PDE6C: variants seen among roughly 807,000 people sequenced by gnomAD.
PDE6C encodes phosphodiesterase 6C, also known as cone cGMP-specific 3',5'-cyclic phosphodiesterase subunit alpha'.
Under a neutral mutation model 113.1 loss-of-function variants are expected in PDE6C, and 75 were observed. The ratio of observed to expected loss-of-function variants is 0.66; its 90% confidence interval spans 0.55 to 0.80. The LOEUF is 0.80. Ranked by LOEUF, PDE6C falls within the 30% of genes least tolerant of loss-of-function variation. The pLI is 0.00. For synonymous variants in PDE6C, 375 were observed against 363.7 expected (o/e 1.03, Z -0.35); for missense variants, 912 against 1,038.6 (o/e 0.88, Z 1.67).
At chr10:93,623,984 G>T (rs542121042) in intron 4 of PDE6C, among the ~76,000 whole-genome samples, 1 of 151,918 alleles carries the variant, frequency 6.6e-6, no homozygotes, top group African/African-American at 2.4e-5. Flanking sequence ...TCAATTGTGA[G>T]AATTAGAGAT....
chr10:93,629,017 G>A (rs1030673871), intron 7 of PDE6C, among the ~76,000 whole-genome samples: 1 of 152,182 alleles, frequency 6.6e-6, no homozygotes, highest in African/African-American at 2.4e-5. Context: ...CTGGAGTCTG[G>A]GGGAGTGGGA....
At chr10:93,650,598 G>T (rs1449649259) in intron 15 of PDE6C, among the ~76,000 whole-genome samples, 1 of 152,080 alleles carries the variant, frequency 6.6e-6, no homozygotes, top group Non-Finnish European at 1.5e-5. Context: ...TAAATAAAAG[G>T]TATTGCATTT....
At chr10:93,626,941 C>A in intron 7 of PDE6C, 70 bp downstream of exon 7, 1 of 1,365,026 alleles carries the variant, frequency 7.3e-7, no homozygotes, top group Non-Finnish European at 1.0e-6. Flanking sequence ...GAGATAGATA[C>A]AATTGTGAAA....
In PDE6C at chr10:93,612,926, G is replaced by A; in HGVS notation, c.201G>A (p.Trp67Ter). The A allele has an allele frequency of 6.2e-7, 1 of 1,614,038 alleles. No homozygotes were observed. The highest frequency in any genetic ancestry group is 2.2e-5 in the East Asian group (1 of 44,878). Reference sequence around the variant, plus strand: ...CAGCCCTGTGCTTGGAGCTGCTGTGGACCGTGCAGGAGGAGGGGGGCACCC... The same window carrying A: ...CAGCCCTGTGCTTGGAGCTGCTGTGAACCGTGCAGGAGGAGGGGGGCACCC... The part of the protein sequence containing the change: ...EESALCLELL[W>*]TVQEEGGTPE... Residue 67 changes from tryptophan (W) to a stop codon, truncating the protein, a stop_gained, in exon 1 of 22, where the codon TGG becomes TGA. Coordinates refer to ENST00000371447, the MANE Select transcript of PDE6C (RefSeq NM_006204.4). LOFTEE classifies it high-confidence loss of function.
At chr10:93,633,490 A>AAAAAT (rs71485913) in intron 8 of PDE6C, among the ~76,000 whole-genome samples, 2,252 of 128,912 alleles carry the variant, frequency 0.017, 139 homozygotes, top group East Asian at 0.036. Context: ...ATAAAAAAAA[A>AAAAAT]TAAACAAGCT....
At chr10:93,650,860 T>G (rs188063693) in intron 15 of PDE6C, among the ~76,000 whole-genome samples, 103 of 150,324 alleles carry the variant, frequency 6.9e-4, no homozygotes, top group African/African-American at 2.4e-3. Flanking sequence ...GGTATACTTT[T>G]TCCCACATGT....
intron 1 of PDE6C, 53 bp downstream of exon 1, chr10:93,613,258 C>T (rs1445093376): frequency 9.9e-6 from 16 of 1,609,112 alleles, no homozygotes; most frequent in African/African-American, 1.3e-5. Context: ...CAGGGAGGAA[C>T]AAATGGGAAA....
intron 8 of PDE6C, among the ~76,000 whole-genome samples, chr10:93,630,795 C>T (rs74150298): frequency 6.6e-6 from 1 of 152,152 alleles, no homozygotes. Flanking sequence ...TGCTTCGTTA[C>T]GTGCATCTGC....
chr10:93,639,609 C>T (rs574797094), intron 11 of PDE6C, among the ~76,000 whole-genome samples: 2 of 152,256 alleles, frequency 1.3e-5, no homozygotes, highest in South Asian at 2.1e-4. Context: ...TCCCCACCCT[C>T]GGGGAGCTCA....
intron 15 of PDE6C, among the ~76,000 whole-genome samples, chr10:93,653,336 G>A (rs983308140): frequency 3.9e-5 from 6 of 152,082 alleles, no homozygotes; most frequent in Non-Finnish European, 7.4e-5. Context: ...TCTGTGAAAT[G>A]TCCCAAGTAA....
At position 93,613,071 on chromosome 10, in the gene PDE6C, G is replaced by T. The variant is rs1364937343; in HGVS notation, c.346G>T (p.Asp116Tyr). 1 of 1,614,206 alleles carries T rather than the reference G, an allele frequency of 6.2e-7. No homozygotes were observed. The highest frequency in any genetic ancestry group is 1.7e-5 in the Admixed American group (1 of 60,036). The stretch of plus-strand genomic sequence containing the variant: ...ACCTGAGGTGGCCTCTAGGTTGCTG[G>T]ATGTCACCCCCACCTCCAAGTTTGA... ...GIPEVASRLL[D>Y]VTPTSKFEDN... Residue 116 changes from aspartate (D) to tyrosine (Y), a missense_variant, in exon 1 of 22, where the codon GAT (aspartate) becomes TAT (tyrosine). Physicochemically the swap from Asp to Tyr is radical, Grantham distance 160 (BLOSUM62 -3). Transcript: ENST00000371447.
At chr10:93,649,825 G>A (rs1042857630) in intron 15 of PDE6C, among the ~76,000 whole-genome samples, 6 of 152,006 alleles carry the variant, frequency 3.9e-5, no homozygotes, top group Non-Finnish European at 5.9e-5. Context: ...GGCTGGTCTC[G>A]AACCCCCAAC....
intron 8 of PDE6C, 114 bp from the exon 9 acceptor site, chr10:93,634,644 G>T (rs1300423363): frequency 2.8e-6 from 3 of 1,058,376 alleles, no homozygotes; most frequent in Admixed American, 2.0e-5. Context: ...TGTGAAACTG[G>T]GTGAAGGGTA....
intron 5 of PDE6C, among the ~76,000 whole-genome samples, chr10:93,626,428 A>C (rs1385199250): frequency 6.6e-6 from 1 of 152,258 alleles, no homozygotes; most frequent in Non-Finnish European, 1.5e-5. Flanking sequence ...AATTTATTTT[A>C]GCCTGTGCAT....
intron 15 of PDE6C, among the ~76,000 whole-genome samples, chr10:93,654,782 C>CTTTCTT: frequency 1.5e-5 from 1 of 65,210 alleles, no homozygotes; most frequent in Admixed American, 1.8e-4. Context: ...TTCTTTCTTT[C>CTTTCTT]TTTCTTTCTT....
rs550726667 is a variant in PDE6C, at chr10:93,612,714, G to A, written c.-12G>A. 1 of 1,613,538 alleles carries A rather than the reference G, an allele frequency of 6.2e-7. No homozygotes were observed. The highest frequency in any genetic ancestry group is 1.1e-5 in the South Asian group (1 of 91,050). ...GTCCTTTCTGAACAAACGCAGCAAA[G>A]CAAGCCACACCATGGGTGAGATCAA... is the stretch of plus-strand genomic sequence containing the variant. On this transcript the variant is annotated 5_prime_UTR_variant, in exon 1 of 22. Transcript: ENST00000371447.
chr10:93,612,592 G>C lies in PDE6C; in HGVS notation c.-134G>C. On this transcript the variant is annotated 5_prime_UTR_variant, in exon 1 of 22. Coordinates refer to ENST00000371447, the MANE Select transcript of PDE6C (RefSeq NM_006204.4). The stretch of plus-strand genomic sequence containing the variant: ...AAGCTCTGCTTTCTGCTTGACCTTT[G>C]GAAGTCCTATGAGGGACCATTTACG... 6.6e-6 allele frequency: 8 copies of C among 1,209,820 alleles called. No homozygotes were observed. In the Middle Eastern group the frequency reaches 1.6e-3, roughly 247 times the overall value. 74.9% of individuals were successfully genotyped at this position (1,209,820 alleles called of 1,614,324 possible). A position where few individuals can be genotyped will look rare whatever the true frequency, so the allele number is the denominator to read the frequency against.
rs752106542 is a variant in PDE6C, at chr10:93,625,617, C to G, written c.907C>G (p.Pro303Ala). The change falls in exon 5 of 22, where the codon CCT becomes GCT. Residue 303 changes from proline (P) to alanine (A), a missense_variant. Coordinates refer to ENST00000371447, the MANE Select transcript of PDE6C (RefSeq NM_006204.4). ...EWPIKLGEVE[P>A]YKGPKTPDGR... ...GCCAATCAAGCTTGGAGAAGTAGAG[C>G]CTTATAAAGGTCCAAAGACACCTGA... 1 of 1,613,548 alleles carries G rather than the reference C, an allele frequency of 6.2e-7. No individual in the cohort carries two copies. Among genetic ancestry groups the G allele is most frequent in the Non-Finnish European group, 8.5e-7 (1 of 1,179,514 alleles).
chr10:93,636,080 T>C (rs533033601), intron 10 of PDE6C, among the ~76,000 whole-genome samples: 13 of 152,280 alleles, frequency 8.5e-5, no homozygotes, highest in Non-Finnish European at 1.6e-4. Context: ...TTTGGTTTGC[T>C]CTATGTGTCT....
Sources: allele counts gnomAD v4.1 joint callset (sites outside exome capture counted in the v4.1 genomes callset), GRCh38; gene constraint gnomAD v4.1.1; transcripts MANE v1.5; gene names NCBI Gene and HGNC (gene_info 2026-07-23, HGNC 2026-07-21).